Variants in GPR37 observed in about 807,000 individuals in gnomAD.
The protein encoded by GPR37 is prosaposin receptor GPR37.
Under a neutral mutation model 43.6 loss-of-function variants are expected in GPR37, and 20 were observed. The ratio of observed to expected loss-of-function variants is 0.46; its 90% confidence interval spans 0.32 to 0.67. The LOEUF (loss-of-function observed/expected upper bound fraction) is 0.67. GPR37 is among the 30% of genes least tolerant of loss of function. GPR37 has a pLI of 0.03. For missense variants in GPR37, 724 were observed against 797.2 expected (o/e 0.91, Z 1.11); for synonymous variants, 315 against 322.6 (o/e 0.98, Z 0.25).
rs1291204142 is a variant in GPR37, at chr7:124,764,608, T to A, written c.369A>T (p.Lys123Asn). ...CAGAAGGCTCCTGACCCCGAGCACC[T>A]TTCCACCTCCAGGGGCCAGGTGGCC... Reference protein sequence around the residue: ...PTRPPGPWRWKGARGQEPSET... With the variant: ...PTRPPGPWRWNGARGQEPSET... Residue 123 changes from lysine to asparagine, a missense_variant, in exon 1 of 2, where the codon AAA (lysine) becomes AAT (asparagine). Lys to Asn is a moderately conservative substitution (Grantham distance 94, BLOSUM62 0). Transcript: ENST00000303921. The surrounding 1 kb of genome is among the most constrained non-coding windows in gnomAD (Gnocchi z 5.4). 1 of 1,599,074 alleles carries A rather than the reference T, an allele frequency of 6.3e-7. No homozygotes were observed. Among genetic ancestry groups the A allele is most frequent in the South Asian group, 1.1e-5 (1 of 90,106 alleles).
intron 1 of GPR37, among the ~76,000 whole-genome samples, chr7:124,748,391 C>T (rs560695985): frequency 6.6e-6 from 1 of 152,032 alleles, no homozygotes; most frequent in Non-Finnish European, 1.5e-5. Flanking sequence ...TCCCAGGCAC[C>T]TGGTTAAAAT....
chr7:124,751,558 C>T (rs1010750462), intron 1 of GPR37, among the ~76,000 whole-genome samples: 2 of 152,014 alleles, frequency 1.3e-5, no homozygotes, highest in Non-Finnish European at 2.9e-5. Context: ...AATTAAAATT[C>T]CTAGATATTG....
intron 1 of GPR37, among the ~76,000 whole-genome samples, chr7:124,751,506 C>T (rs537049701): frequency 9.9e-5 from 15 of 152,092 alleles, no homozygotes; most frequent in African/African-American, 3.6e-4. Context: ...TAATGAGTGG[C>T]GTTCTAATTT....
chr7:124,750,706 G>T (rs945377224), intron 1 of GPR37, among the ~76,000 whole-genome samples: 3 of 152,138 alleles, frequency 2.0e-5, no homozygotes, highest in African/African-American at 7.2e-5. Flanking sequence ...CGGTGGACAT[G>T]TATTAAGATG....
At chr7:124,757,199 T>C (rs1793801813) in intron 1 of GPR37, among the ~76,000 whole-genome samples, 1 of 152,164 alleles carries the variant, frequency 6.6e-6, no homozygotes, top group Non-Finnish European at 1.5e-5. Flanking sequence ...AGTTAAACAA[T>C]TTGTATATGT....
At chr7:124,753,660 C>T (rs2190107) in intron 1 of GPR37, among the ~76,000 whole-genome samples, 16,510 of 151,854 alleles carry the variant, frequency 0.11, 1,111 homozygotes, top group African/African-American at 0.18. Flanking sequence ...CAACAAAAAA[C>T]AGGTAGTTTG....
Position 124,746,695 on chromosome 7 carries a change from G to A in GPR37, c.1672C>T (p.Arg558Trp), listed in dbSNP as rs140541412. ...CAGCAGCAGCACTCCATGAAGGCCC[G>A]ACTGAAGGGTTTGCAGAGACAGAAA... ...LLFCLCKPFS[R>W]AFMECCCCCC... Residue 558 changes from arginine to tryptophan, a missense_variant, in exon 2 of 2, where the codon CGG (arginine) becomes TGG (tryptophan). Transcript: ENST00000303921. The A allele has an allele frequency of 6.2e-6, 10 of 1,613,952 alleles. No homozygotes were observed. The highest frequency in any genetic ancestry group is 8.5e-6 in the Non-Finnish European group (10 of 1,179,914).
At chr7:124,763,888 T>TTC in intron 1 of GPR37, 66 bp downstream of exon 1, 1 of 1,399,396 alleles carries the variant, frequency 7.1e-7, no homozygotes, top group Non-Finnish European at 1.0e-6. Flanking sequence ...CCAGCAGCAG[T>TTC]TCTCTGATGC....
chr7:124,762,647 C>T (rs778202025), intron 1 of GPR37, among the ~76,000 whole-genome samples: 2 of 152,182 alleles, frequency 1.3e-5, no homozygotes, highest in South Asian at 4.1e-4. Flanking sequence ...AGCTTGGCAA[C>T]AGGAGAAATC....
intron 1 of GPR37, among the ~76,000 whole-genome samples, chr7:124,759,126 G>A (rs1208890900): frequency 6.6e-6 from 1 of 150,470 alleles, no homozygotes; most frequent in Non-Finnish European, 1.5e-5. Flanking sequence ...GAATGCAGTG[G>A]CATGATCATG....
intron 1 of GPR37, among the ~76,000 whole-genome samples, chr7:124,753,773 C>T (rs1013545175): frequency 2.0e-5 from 3 of 152,040 alleles, no homozygotes; most frequent in South Asian, 4.2e-4. Context: ...TTAGAGAAAC[C>T]CAACTTGGTA....
In GPR37 at chr7:124,763,260, CAA is replaced by C. The variant is rs1793870605; in HGVS notation, c.1023+692_1023+693del. On this transcript the variant is annotated intron_variant, in intron 1 of 1. Coordinates refer to ENST00000303921, the MANE Select transcript of GPR37 (RefSeq NM_005302.5). ...TAAACAAATTATGTGCCACGCTGGC[CAA>C]AGTCTTATTTTTGCTTAAGTTCACG... Among the ~76,000 whole-genome samples the C allele has an allele frequency of 2.0e-5, 3 of 152,144 alleles. No individual in the cohort carries two copies. The South Asian group carries it at 6.2e-4, about 32-fold the overall frequency.
rs140751969 is a variant in GPR37 at position 124,751,113 on chromosome 7, G to A, written c.1024-3770C>T. Reference sequence around the variant, plus strand: ...TTTCAAATTGAACTTTTCTCTGATAGTACTCTCTGCAGTTAGGATCCAGCT... The same window carrying A: ...TTTCAAATTGAACTTTTCTCTGATAATACTCTCTGCAGTTAGGATCCAGCT... On this transcript the variant is annotated intron_variant, in intron 1 of 1. Coordinates refer to ENST00000303921, the MANE Select transcript of GPR37 (RefSeq NM_005302.5). 8.7e-4 allele frequency among the ~76,000 whole-genome samples: 133 copies of A among 152,140 alleles called. 1 individual carries two copies. The highest frequency in any genetic ancestry group is 3.0e-3 in the African/African-American group (123 of 41,518).
chr7:124,764,492 G>T lies in GPR37; in HGVS notation c.485C>A (p.Ser162Tyr). Reference sequence around the variant, plus strand: ...CACACTCTGCTCCTGGCTACGCCCGGAAATGCCAGCGCCTCTGGGACCCTT... The same window carrying T: ...CACACTCTGCTCCTGGCTACGCCCGTAAATGCCAGCGCCTCTGGGACCCTT... ...EEKGPRGAGI[S>Y]GRSQEQSVKT... Residue 162 changes from serine (S) to tyrosine (Y), a missense_variant, in exon 1 of 2, where the codon TCC becomes TAC. Ser to Tyr is a moderately radical substitution (Grantham distance 144, BLOSUM62 -2). Coordinates refer to ENST00000303921, the MANE Select transcript of GPR37 (RefSeq NM_005302.5). This position sits in a 1 kb window ranked among gnomAD's most constrained non-coding sequence, Gnocchi z 5.4. The T allele has an allele frequency of 6.2e-7, 1 of 1,613,666 alleles. No homozygotes were observed. Among genetic ancestry groups the T allele is most frequent in the African/African-American group, 1.3e-5 (1 of 75,070 alleles).
In GPR37 at chr7:124,764,878, C is replaced by A; in HGVS notation, c.99G>T (p.Ala33=). Residue 33 remains alanine, a synonymous_variant, in exon 1 of 2, where the codon GCG becomes GCT. Coordinates refer to ENST00000303921, the MANE Select transcript of GPR37 (RefSeq NM_005302.5). This position sits in a 1 kb window ranked among gnomAD's most constrained non-coding sequence, Gnocchi z 5.4. The stretch of plus-strand genomic sequence containing the variant: ...CCCCCAGACAAGTTTCGTTTCTGGA[C>A]GCAGGGGCGACCCCGAGGGCAGAAG... ...SASSALGVAP[A]SRNETCLGES... is the part of the protein sequence containing the mutation. 1 of 1,609,962 alleles carries A rather than the reference C, an allele frequency of 6.2e-7. No individual in the cohort carries two copies.
At chr7:124,762,720 C>T (rs1446037367) in intron 1 of GPR37, among the ~76,000 whole-genome samples, 1 of 152,176 alleles carries the variant, frequency 6.6e-6, no homozygotes, top group East Asian at 1.9e-4. Context: ...GCACCTGATC[C>T]CTGTCAAGAT....
At chr7:124,752,981 T>G (rs1445471217) in intron 1 of GPR37, among the ~76,000 whole-genome samples, 1 of 152,066 alleles carries the variant, frequency 6.6e-6, no homozygotes, top group Non-Finnish European at 1.5e-5. Context: ...TGTAAAAGTT[T>G]GCTCCTGTGT....
chr7:124,753,090 TTTC>T (rs1793751000), intron 1 of GPR37, among the ~76,000 whole-genome samples: 2 of 152,192 alleles, frequency 1.3e-5, no homozygotes, highest in East Asian at 3.9e-4. Flanking sequence ...TTTGGATGGG[TTTC>T]TTAAGTTTTC....
chr7:124,763,781 C>T (rs1363010515), intron 1 of GPR37, among the ~76,000 whole-genome samples, 173 bp downstream of exon 1: 1 of 152,064 alleles, frequency 6.6e-6, no homozygotes, highest in Non-Finnish European at 1.5e-5. Context: ...CGCGAAGCTG[C>T]CTCTTTTTGT....
Sources: gnomAD v4.1 joint callset for allele counts (sites outside exome capture counted in the v4.1 genomes callset) on GRCh38, gnomAD v4.1.1 for gene constraint, Gnocchi (gnomAD v3.1) non-coding constraint, MANE v1.5 for transcripts, NCBI Gene and HGNC (gene_info 2026-07-23, HGNC 2026-07-21) for gene names.